Variants in MGMT observed in about 807,000 individuals in gnomAD.
MGMT encodes the protein methylated-DNA--protein-cysteine methyltransferase.
In MGMT, 14 loss-of-function variants were observed where a neutral mutation model predicts 15.9. The observed-to-expected ratio is 0.88, with a 90% confidence interval of 0.58 to 1.37. The LOEUF is 1.37. Ranked by LOEUF, MGMT falls within the 40% of genes most tolerant of loss-of-function variation. The probability of loss-of-function intolerance (pLI) is 0.00; values close to 1 mark genes in which losing one functional copy is unlikely to be tolerated. For missense variants in MGMT, 282 were observed against 268.1 expected (o/e 1.05, Z -0.36); for synonymous variants, 130 against 118.2 (o/e 1.10, Z -0.65).
At chr10:129,765,052 T>G (rs1436844851) in intron 4 of MGMT, among the ~76,000 whole-genome samples, 1 of 152,080 alleles carries the variant, frequency 6.6e-6, no homozygotes. Flanking sequence ...GAGCCTGCCC[T>G]GGCTCCTGTG....
intron 2 of MGMT, among the ~76,000 whole-genome samples, chr10:129,621,784 T>C (rs1357396313): frequency 6.6e-6 from 1 of 152,214 alleles, no homozygotes; most frequent in African/African-American, 2.4e-5. Context: ...TCAAAAATAG[T>C]GTGGACATTA....
At chr10:129,561,552 C>T (rs1846279000) in intron 2 of MGMT, among the ~76,000 whole-genome samples, 1 of 152,132 alleles carries the variant, frequency 6.6e-6, no homozygotes, top group African/African-American at 2.4e-5. Flanking sequence ...ACGATTTTGT[C>T]AATTTCGGTG....
At chr10:129,700,080 C>A (rs1253973027) in intron 2 of MGMT, 1 of 152,222 alleles carries the variant, frequency 6.6e-6, no homozygotes, top group African/African-American at 2.4e-5. Flanking sequence ...CTTGAGGTTG[C>A]GTTGGAAATC....
chr10:129,664,425 C>T (rs1462284271), intron 2 of MGMT, among the ~76,000 whole-genome samples: 1 of 152,164 alleles, frequency 6.6e-6, no homozygotes, highest in African/African-American at 2.4e-5. Flanking sequence ...ATGGAGTAGG[C>T]ATCAAGGAAG....
chr10:129,707,481 G>A (rs1017703195), intron 2 of MGMT, among the ~76,000 whole-genome samples: 3 of 152,146 alleles, frequency 2.0e-5, no homozygotes, highest in African/African-American at 7.2e-5. Context: ...GAGGCAGAAC[G>A]CGTGGATGTG....
At position 129,536,365 on chromosome 10, in the gene MGMT, C is replaced by A; in HGVS notation, c.113C>A (p.Thr38Lys). The change falls in exon 2 of 5, where the codon ACG becomes AAG. Residue 38 changes from threonine to lysine, a missense_variant. Coordinates refer to ENST00000651593, the MANE Select transcript of MGMT (RefSeq NM_002412.5). Reference protein sequence around the residue: ...LHEIKLLGKGTSAADAVEVPA... With the variant: ...LHEIKLLGKGKSAADAVEVPA... ...GAAATAAAGCTCCTGGGCAAGGGGA[C>A]GTCTGCAGCTGAGTAAGTATGAGCC... is the stretch of plus-strand genomic sequence containing the variant. 1.2e-6 allele frequency: 2 copies of A among 1,613,064 alleles called. No individual in the cohort carries two copies. The highest frequency in any genetic ancestry group is 1.7e-6 in the Non-Finnish European group (2 of 1,179,762).
At chr10:129,634,990 T>G (rs752919046) in intron 2 of MGMT, among the ~76,000 whole-genome samples, 1 of 152,234 alleles carries the variant, frequency 6.6e-6, no homozygotes, top group Non-Finnish European at 1.5e-5. Flanking sequence ...TACTTGGGAA[T>G]AGTTTGACTC....
intron 1 of MGMT, among the ~76,000 whole-genome samples, chr10:129,520,622 C>A (rs1410175874): frequency 8.8e-6 from 1 of 113,022 alleles, no homozygotes; most frequent in East Asian, 3.0e-4. Flanking sequence ...CTAAGGTGCA[C>A]CTACAGAACC....
At chr10:129,468,336 G>A (rs554173885) in intron 1 of MGMT, among the ~76,000 whole-genome samples, 3 of 152,110 alleles carry the variant, frequency 2.0e-5, no homozygotes, top group South Asian at 2.1e-4. Flanking sequence ...AGGAAACCGC[G>A]TCAAGAGCCT....
chr10:129,501,116 C>T (rs1354974590), intron 1 of MGMT, among the ~76,000 whole-genome samples: 1 of 152,222 alleles, frequency 6.6e-6, no homozygotes, highest in Admixed American at 6.5e-5. Flanking sequence ...CACACAGGTC[C>T]TTTCTTGCTC....
intron 1 of MGMT, among the ~76,000 whole-genome samples, chr10:129,499,413 C>T (rs888624681): frequency 6.6e-6 from 1 of 152,190 alleles, no homozygotes; most frequent in Admixed American, 6.5e-5. Context: ...GCTTATTTCT[C>T]AAATATCCAT....
At chr10:129,577,230 C>T (rs1490997911) in intron 2 of MGMT, among the ~76,000 whole-genome samples, 3 of 152,156 alleles carry the variant, frequency 2.0e-5, no homozygotes, top group South Asian at 2.1e-4. Flanking sequence ...ATTGCCAAGT[C>T]AATCCTAAGC....
At chr10:129,541,531 A>C (rs1846042618) in intron 2 of MGMT, among the ~76,000 whole-genome samples, 1 of 152,146 alleles carries the variant, frequency 6.6e-6, no homozygotes, top group Non-Finnish European at 1.5e-5. Flanking sequence ...TGATTGCCGT[A>C]TTTGATTACT....
chr10:129,763,644 G>A (rs890041606), intron 4 of MGMT, among the ~76,000 whole-genome samples: 4 of 152,182 alleles, frequency 2.6e-5, no homozygotes, highest in African/African-American at 9.7e-5. Flanking sequence ...AATTGAATTG[G>A]TGCCTAAATG....
At position 129,759,255 on chromosome 10, in the gene MGMT, G is replaced by A; in HGVS notation, c.328G>A (p.Glu110Lys). 6.2e-7 allele frequency: 1 copy of A among 1,614,192 alleles called. No individual in the cohort carries two copies. Among genetic ancestry groups the A allele is most frequent in the Non-Finnish European group, 8.5e-7 (1 of 1,180,036 alleles). Residue 110 changes from glutamate to lysine, a missense_variant, in exon 4 of 5, where the codon GAA becomes AAA. Transcript: ENST00000651593. ...WKLLKVVKFG[E>K]VISYQQLAAL... ...GCTGCTGAAGGTTGTGAAATTCGGA[G>A]AAGTGATTTCTTACCAGCAATTAGC...
chr10:129,521,899 A>G (rs1360070721), intron 1 of MGMT, among the ~76,000 whole-genome samples: 1 of 152,174 alleles, frequency 6.6e-6, no homozygotes, highest in Non-Finnish European at 1.5e-5. Flanking sequence ...CCATGAGAAC[A>G]TCCCTCTGCT....
chr10:129,518,095 G>A (rs1436653640), intron 1 of MGMT, among the ~76,000 whole-genome samples: 2 of 151,866 alleles, frequency 1.3e-5, no homozygotes, highest in Admixed American at 6.6e-5. Context: ...TGGCTGCACC[G>A]GGCACCACTC....
chr10:129,646,754 A>ATATTTTTTTTTTTTT lies in MGMT; in HGVS notation c.126-61140_126-61139insATTTTTTTTTTTTTT. Among the ~76,000 whole-genome samples, 146 of 86,576 alleles carry ATATTTTTTTTTTTTT rather than the reference A, an allele frequency of 1.7e-3. 3 individuals are homozygous for ATATTTTTTTTTTTTT. Among genetic ancestry groups the ATATTTTTTTTTTTTT allele is most frequent in the African/African-American group, 5.4e-3 (136 of 25,412 alleles). The allele number at this position is 86,576 out of a possible 152,430, so 56.8% of individuals were successfully genotyped here. A position where few individuals can be genotyped will look rare whatever the true frequency, so the allele number is the denominator to read the frequency against. ...TATATATATATATATATATATATAT[A>ATATTTTTTTTTTTTT]TTTTCAGGGAATGGTAGAGAACAGT... On this transcript the variant is annotated intron_variant, in intron 2 of 4. Coordinates refer to ENST00000651593, the MANE Select transcript of MGMT (RefSeq NM_002412.5).
intron 4 of MGMT, 135 bp downstream of exon 4, chr10:129,759,476 G>C: frequency 7.5e-7 from 1 of 1,340,726 alleles, no homozygotes; most frequent in South Asian, 1.3e-5. Context: ...TCTGTGATGG[G>C]GACCATTATG....
Sources: gnomAD v4.1 joint callset for allele counts (sites outside exome capture counted in the v4.1 genomes callset) on GRCh38, gnomAD v4.1.1 for gene constraint, MANE v1.5 for transcripts, NCBI Gene and HGNC (gene_info 2026-07-23, HGNC 2026-07-21) for gene names.